Variants in SIK3 observed in about 807,000 individuals in gnomAD.
SIK3 encodes the protein serine/threonine-protein kinase SIK3.
In SIK3, 28 loss-of-function variants were observed where a neutral mutation model predicts 144.2. That is an observed-to-expected ratio of 0.19 (90% CI 0.14 to 0.27). The LOEUF (loss-of-function observed/expected upper bound fraction) is 0.27, where lower values mean the gene tolerates loss of function less well. SIK3 is among the 10% of genes least tolerant of loss of function. The pLI is 1.00. For missense variants in SIK3, 1,319 were observed against 1,776.0 expected (o/e 0.74, Z 4.62); for synonymous variants, 686 against 676.3 (o/e 1.01, Z -0.22).
intron 6 of SIK3, among the ~76,000 whole-genome samples, chr11:116,884,549 T>G (rs937357044): frequency 1.3e-5 from 2 of 151,778 alleles, no homozygotes; most frequent in African/African-American, 2.4e-5. Flanking sequence ...TTAGTAGAGG[T>G]GGGGTTTCAC....
chr11:116,888,274 G>A (rs760254402), intron 6 of SIK3, among the ~76,000 whole-genome samples: 14 of 152,328 alleles, frequency 9.2e-5, no homozygotes, highest in Non-Finnish European at 1.0e-4. Flanking sequence ...AGGATCTTGT[G>A]CATAAGGAAT....
rs778818111 is a variant in SIK3, at chr11:116,875,951, C to G, written c.1154G>C (p.Arg385Pro). ...YSAIYSLLCD[R>P]HKRHKTLRLG... ...ACGCAGGGTTTTATGTCTCTTATGT[C>G]GATCACACAGCAGGCTGTAGATTGC... Residue 385 changes from arginine (R) to proline (P), a missense_variant, in exon 9 of 25, where the codon CGA becomes CCA. Around this residue, in one of 8 missense-constraint regions of SIK3, gnomAD observed 109 missense variants for 109.3 expected, o/e 1.00. Coordinates refer to ENST00000445177, the MANE Select transcript of SIK3 (RefSeq NM_001366686.3). 6.2e-7 allele frequency: 1 copy of G among 1,613,384 alleles called. No homozygotes were observed.
chr11:116,932,061 T>C (rs1026281913), intron 3 of SIK3, among the ~76,000 whole-genome samples: 5 of 152,184 alleles, frequency 3.3e-5, no homozygotes, highest in African/African-American at 1.2e-4. Context: ...CTTCTCTTTC[T>C]CTCACACCCT....
At chr11:117,044,953 G>A (rs941366566) in intron 1 of SIK3, among the ~76,000 whole-genome samples, 10 of 152,082 alleles carry the variant, frequency 6.6e-5, no homozygotes, top group Admixed American at 6.5e-5. Flanking sequence ...TAATAACATC[G>A]GCAAATCAGC....
intron 1 of SIK3, among the ~76,000 whole-genome samples, chr11:117,094,774 C>CA (rs60547714): frequency 0.074 from 10,481 of 141,362 alleles, 740 homozygotes; most frequent in African/African-American, 0.18. Context: ...AGTTTCCTAC[C>CA]AAAAAAAAAA....
At chr11:116,847,748 CA>C in intron 22 of SIK3, 140 bp from the exon 23 acceptor site, 5 of 963,034 alleles carry the variant, frequency 5.2e-6, no homozygotes, top group Non-Finnish European at 7.9e-6. Flanking sequence ...TCTAAAGCAC[CA>C]CCCAAAGGGG....
At chr11:117,031,340 G>A (rs7112191) in intron 1 of SIK3, among the ~76,000 whole-genome samples, 24,425 of 147,724 alleles carry the variant, frequency 0.17, 2,135 homozygotes, top group Admixed American at 0.21. Flanking sequence ...AAGGTGTGAA[G>A]TTTAGGTCAG....
chr11:116,916,810 A>T (rs1023472149), intron 4 of SIK3, among the ~76,000 whole-genome samples: 1 of 149,270 alleles, frequency 6.7e-6, no homozygotes, highest in African/African-American at 2.5e-5. Flanking sequence ...AAAAAAAAAA[A>T]ATTTTTTTTT....
At chr11:117,032,450 T>C (rs981719763) in intron 1 of SIK3, among the ~76,000 whole-genome samples, 14 of 152,222 alleles carry the variant, frequency 9.2e-5, no homozygotes, top group Admixed American at 5.9e-4. Context: ...TGTATTTCCA[T>C]GTGTTCACTG....
chr11:117,040,637 G>A (rs1395033194), intron 1 of SIK3, among the ~76,000 whole-genome samples: 1 of 152,116 alleles, frequency 6.6e-6, no homozygotes, highest in Admixed American at 6.6e-5. Flanking sequence ...ACAAAAAGTA[G>A]AGGAGAACAT....
chr11:117,089,547 G>A (rs1473764593), intron 1 of SIK3, among the ~76,000 whole-genome samples: 3 of 151,956 alleles, frequency 2.0e-5, no homozygotes, highest in Non-Finnish European at 2.9e-5. Flanking sequence ...AATTTTGCAC[G>A]TTTATTGGAT....
At chr11:117,011,639 T>A (rs745872754) in intron 1 of SIK3, among the ~76,000 whole-genome samples, 1 of 152,100 alleles carries the variant, frequency 6.6e-6, no homozygotes, top group African/African-American at 2.4e-5. Flanking sequence ...TTACTGAGGA[T>A]TCACATAAAA....
In SIK3 at chr11:116,846,248, G is replaced by A; in HGVS notation, c.*13+135C>T. 1.2e-6 allele frequency: 1 copy of A among 865,146 alleles called. No homozygotes were observed. Among genetic ancestry groups the A allele is most frequent in the Non-Finnish European group, 1.8e-6 (1 of 559,590 alleles). 53.6% of individuals were successfully genotyped at this position (865,146 alleles called of 1,614,324 possible). ...CGTCGTTAATGAAAAGCAAGAAACT[G>A]TGAAGGCCACGAGGGGAGGCGTGGT... On this transcript the variant is annotated intron_variant, in intron 24 of 24. Coordinates refer to ENST00000445177, the MANE Select transcript of SIK3 (RefSeq NM_001366686.3). The surrounding 1 kb of genome is among the most constrained non-coding windows in gnomAD (Gnocchi z 4.1).
At position 117,067,766 on chromosome 11, in the gene SIK3, CACTTGA is replaced by C. The variant is rs1436205993; in HGVS notation, c.273+30371_273+30376del. Among the ~76,000 whole-genome samples the C allele has an allele frequency of 3.3e-5, 5 of 152,026 alleles. No individual in the cohort carries two copies. In the East Asian group the frequency reaches 9.6e-4, roughly 29 times the overall value. ...CTTTGAGAGGCCAAGGCGGGAGGATCACTTGAGGTCAGGAGTTCGAAACCAGCCAGG... is the reference window on the plus strand; with the variant it reads ...CTTTGAGAGGCCAAGGCGGGAGGATCGGTCAGGAGTTCGAAACCAGCCAGG... On this transcript the variant is annotated intron_variant, in intron 1 of 24. Transcript: ENST00000445177.
At chr11:116,876,386 C>G in intron 7 of SIK3, 23 bp from the exon 8 acceptor site, 1 of 1,566,572 alleles carries the variant, frequency 6.4e-7, no homozygotes, top group Non-Finnish European at 8.8e-7. Flanking sequence ...AAGGAGGAAG[C>G]TGTCAACCCC....
At chr11:117,055,265 C>T (rs1953460904) in intron 1 of SIK3, among the ~76,000 whole-genome samples, 1 of 152,162 alleles carries the variant, frequency 6.6e-6, no homozygotes, top group Non-Finnish European at 1.5e-5. Context: ...TTTATAATAA[C>T]AATGTAACTA....
At chr11:117,080,142 C>G (rs893321607) in intron 1 of SIK3, among the ~76,000 whole-genome samples, 5 of 152,100 alleles carry the variant, frequency 3.3e-5, no homozygotes, top group African/African-American at 1.2e-4. Context: ...AACCAACAGA[C>G]AAATTAAATG....
At chr11:116,949,909 T>TA (rs1565491036) in intron 3 of SIK3, among the ~76,000 whole-genome samples, 1 of 151,854 alleles carries the variant, frequency 6.6e-6, no homozygotes, top group Non-Finnish European at 1.5e-5. Flanking sequence ...TCTCCACAGG[T>TA]AAAAATCTCA....
At chr11:117,079,367 T>C (rs1487445898) in intron 1 of SIK3, among the ~76,000 whole-genome samples, 4 of 152,172 alleles carry the variant, frequency 2.6e-5, no homozygotes, top group Non-Finnish European at 4.4e-5. Flanking sequence ...ATTATGCAAT[T>C]AATTGTGTCA....
Sources: allele counts gnomAD v4.1 joint callset (sites outside exome capture counted in the v4.1 genomes callset), GRCh38; gene constraint gnomAD v4.1.1; regional missense constraint gnomAD v4.1.1; non-coding constraint Gnocchi (gnomAD v3.1); transcripts MANE v1.5; gene names NCBI Gene and HGNC (gene_info 2026-07-23, HGNC 2026-07-21).